The following RPIA variants were observed in gnomAD, a reference collection of about 807,000 sequenced individuals.
The protein encoded by RPIA is ribose-5-phosphate isomerase.
RPIA carries 29 observed loss-of-function variants against 37.8 expected under a neutral mutation model. That is an observed-to-expected ratio of 0.77 (90% confidence interval 0.57 to 1.05). RPIA has a LOEUF of 1.05. Ranked by LOEUF, RPIA falls within the 50% of genes least tolerant of loss-of-function variation. RPIA has a pLI of 0.00. For missense variants in RPIA, 385 were observed against 413.6 expected, an observed-to-expected ratio of 0.93 and a Z score of 0.60; for synonymous variants, 167 against 157.0, an observed-to-expected ratio of 1.06 and a Z score of -0.48.
At chr2:88,715,237 G>A (rs1176156975) in intron 3 of RPIA, among the ~76,000 whole-genome samples, 1 of 152,200 alleles carries the variant, frequency 6.6e-6, no homozygotes, top group Admixed American at 6.5e-5. Flanking sequence ...TGGAAAGAGT[G>A]CAGGGTGAAG....
At chr2:88,697,015 A>G (rs1222766448) in intron 1 of RPIA, among the ~76,000 whole-genome samples, 1 of 152,214 alleles carries the variant, frequency 6.6e-6, no homozygotes, top group East Asian at 1.9e-4. Flanking sequence ...CTTAAAATGA[A>G]TTTAGAAGAT....
At chr2:88,697,713 A>G (rs1672771303) in intron 1 of RPIA, among the ~76,000 whole-genome samples, 1 of 152,232 alleles carries the variant, frequency 6.6e-6, no homozygotes, top group South Asian at 2.1e-4. Flanking sequence ...TCTATTGCAG[A>G]TGAAGACTAT....
intron 3 of RPIA, among the ~76,000 whole-genome samples, chr2:88,728,805 A>T (rs887943075): frequency 2.6e-5 from 4 of 152,178 alleles, no homozygotes; most frequent in African/African-American, 9.7e-5. Context: ...TGGCATTTTT[A>T]AGTGTATATA....
chr2:88,735,585 G>A, intron 5 of RPIA, 84 bp from the exon 6 acceptor site: 5 of 1,204,948 alleles, frequency 4.1e-6, no homozygotes, highest in Non-Finnish European at 6.2e-6. Context: ...AGGATTGAGT[G>A]GATTTGGGAT....
Position 88,714,370 on chromosome 2 carries a change from C to T in RPIA, c.402+14306C>T, listed in dbSNP as rs377211088. ...TATTTCTAGTAGAGACAGTGTTTCA[C>T]CATGTTGGCCAGGCTGGTCTCGAAC... is the stretch of plus-strand genomic sequence containing the variant. On this transcript the variant is annotated intron_variant, in intron 3 of 8. Coordinates refer to ENST00000283646, the MANE Select transcript of RPIA (RefSeq NM_144563.3). Among the ~76,000 whole-genome samples the T allele has an allele frequency of 2.5e-4, 38 of 152,200 alleles. No individual in the cohort carries two copies. The South Asian group carries it at 6.8e-3, about 27-fold the overall frequency.
chr2:88,693,664 A>G (rs928444827), intron 1 of RPIA, among the ~76,000 whole-genome samples: 1 of 152,214 alleles, frequency 6.6e-6, no homozygotes, highest in Admixed American at 6.5e-5. Context: ...TGCCCAGTAC[A>G]TGTTTGTTCA....
intron 6 of RPIA, among the ~76,000 whole-genome samples, chr2:88,736,166 C>T (rs1162835419): frequency 6.6e-6 from 1 of 152,184 alleles, no homozygotes; most frequent in African/African-American, 2.4e-5. Context: ...CATTGATAGT[C>T]TTTGACCAGG....
chr2:88,712,291 C>T (rs971444703), intron 3 of RPIA, among the ~76,000 whole-genome samples: 1 of 152,234 alleles, frequency 6.6e-6, no homozygotes, highest in Admixed American at 6.5e-5. Flanking sequence ...AAGAAGGTTA[C>T]AATCAGCACA....
chr2:88,745,493 ATTTG>A (rs111703848), intron 8 of RPIA, among the ~76,000 whole-genome samples: 173 of 152,248 alleles, frequency 1.1e-3, no homozygotes, highest in African/African-American at 4.0e-3. Context: ...TTCTCTCAGC[ATTTG>A]TTTGTCTGAA....
At chr2:88,727,044 C>T (rs748080201) in intron 3 of RPIA, among the ~76,000 whole-genome samples, 1 of 152,098 alleles carries the variant, frequency 6.6e-6, no homozygotes, top group Admixed American at 6.5e-5. Flanking sequence ...TGGCTGTTAG[C>T]GATGTGTTAA....
At chr2:88,743,683 GT>G (rs943883456) in intron 8 of RPIA, among the ~76,000 whole-genome samples, 1 of 151,898 alleles carries the variant, frequency 6.6e-6, no homozygotes, top group African/African-American at 2.4e-5. Context: ...TTTGTTGGCA[GT>G]TTTTTTAATT....
At chr2:88,700,558 G>A (rs1265300924) in intron 3 of RPIA, among the ~76,000 whole-genome samples, 2 of 152,154 alleles carry the variant, frequency 1.3e-5, no homozygotes, top group Non-Finnish European at 2.9e-5. Flanking sequence ...AGGCTGAGGC[G>A]GGAGGATCTC....
At chr2:88,713,517 C>T (rs1169907267) in intron 3 of RPIA, among the ~76,000 whole-genome samples, 1 of 152,152 alleles carries the variant, frequency 6.6e-6, no homozygotes, top group Non-Finnish European at 1.5e-5. Context: ...TCTAAGGACT[C>T]ACGTACCGTT....
At chr2:88,702,065 T>A (rs987020189) in intron 3 of RPIA, among the ~76,000 whole-genome samples, 1 of 152,264 alleles carries the variant, frequency 6.6e-6, no homozygotes, top group African/African-American at 2.4e-5. Context: ...CTTTATGATA[T>A]CTTTGCATTT....
At chr2:88,697,107 G>A (rs1033247103) in intron 1 of RPIA, among the ~76,000 whole-genome samples, 1 of 152,228 alleles carries the variant, frequency 6.6e-6, no homozygotes, top group Non-Finnish European at 1.5e-5. Context: ...ACAGTTTTCT[G>A]CAAGTTAAAG....
intron 3 of RPIA, among the ~76,000 whole-genome samples, chr2:88,709,582 A>G (rs1052597341): frequency 1.3e-5 from 2 of 152,234 alleles, no homozygotes; most frequent in African/African-American, 4.8e-5. Context: ...ATGTTGTAAT[A>G]CAGGAAATTG....
chr2:88,712,355 A>T (rs1308271141), intron 3 of RPIA, among the ~76,000 whole-genome samples: 1 of 152,158 alleles, frequency 6.6e-6, no homozygotes, highest in African/African-American at 2.4e-5. Flanking sequence ...TTCATCTTTA[A>T]TTCATAGGCC....
At chr2:88,713,607 T>C (rs1337511265) in intron 3 of RPIA, among the ~76,000 whole-genome samples, 3 of 152,244 alleles carry the variant, frequency 2.0e-5, no homozygotes, top group Non-Finnish European at 4.4e-5. Context: ...TCCAGTGTGC[T>C]GGGCACTTGC....
At chr2:88,702,591 T>G (rs1346632409) in intron 3 of RPIA, among the ~76,000 whole-genome samples, 12 of 152,192 alleles carry the variant, frequency 7.9e-5, no homozygotes, top group African/African-American at 2.9e-4. Context: ...GAGAACAGCG[T>G]GGAGGAAACC....
Sources: allele counts gnomAD v4.1 joint callset (sites outside exome capture counted in the v4.1 genomes callset), GRCh38; gene constraint gnomAD v4.1.1; transcripts MANE v1.5; gene names NCBI Gene and HGNC (gene_info 2026-07-23, HGNC 2026-07-21).